Variants in DCAF4 observed in about 807,000 individuals in gnomAD.
DCAF4 encodes the protein DDB1- and CUL4-associated factor 4.
In DCAF4, 37 loss-of-function variants were observed where a neutral mutation model predicts 60.9. The observed-to-expected ratio is 0.61, with a 90% CI of 0.47 to 0.80. The LOEUF is 0.80. DCAF4 is among the 30% of genes least tolerant of loss of function. DCAF4 has a pLI of 0.00. For missense variants in DCAF4, 577 were observed against 650.0 expected (o/e 0.89, Z 1.22); for synonymous variants, 243 against 254.8 (o/e 0.95, Z 0.44).
chr14:72,951,332 C>T (rs553915965), intron 8 of DCAF4, among the ~76,000 whole-genome samples: 2 of 152,240 alleles, frequency 1.3e-5, no homozygotes, highest in Admixed American at 6.5e-5. Context: ...CTGAAGCTGG[C>T]CAGTCACGAT....
chr14:72,955,793 C>G, intron 12 of DCAF4, 97 bp downstream of exon 12: 1 of 1,197,858 alleles, frequency 8.3e-7, no homozygotes, highest in East Asian at 2.4e-5. Context: ...CACCAAGACC[C>G]CAGGCAGGGG....
At chr14:72,953,882 G>A (rs1452337368) in intron 9 of DCAF4, among the ~76,000 whole-genome samples, 9 of 144,046 alleles carry the variant, frequency 6.2e-5, no homozygotes, top group African/African-American at 1.8e-4. Flanking sequence ...ATCGAGGATC[G>A]GAGCCACCTT....
At chr14:72,960,535 T>C, downstream of DCAF4, 1 of 896,022 alleles carries the variant, frequency 1.1e-6, no homozygotes. Flanking sequence ...CCCAGGGCAG[T>C]TTGCACTGTG....
chr14:72,961,971 A>G, downstream of DCAF4: 1 of 1,128,344 alleles, frequency 8.9e-7, no homozygotes. Context: ...CTGTCTTTGG[A>G]GAGGTCACCC....
At chr14:72,939,744 T>C (rs745888525) in intron 2 of DCAF4, 58 bp from the exon 3 acceptor site, 19 of 1,491,930 alleles carry the variant, frequency 1.3e-5, no homozygotes, top group Non-Finnish European at 1.7e-5. Flanking sequence ...CCTGCCCCCG[T>C]CAGAATGGCT....
chr14:72,943,432 A>G (rs1292643303), intron 6 of DCAF4, among the ~76,000 whole-genome samples: 1 of 152,146 alleles, frequency 6.6e-6, no homozygotes, highest in Non-Finnish European at 1.5e-5. Flanking sequence ...CTCACAGTGG[A>G]CCTGGGGACA....
chr14:72,943,573 C>T (rs958631056), intron 6 of DCAF4, among the ~76,000 whole-genome samples: 2 of 152,266 alleles, frequency 1.3e-5, no homozygotes, highest in African/African-American at 2.4e-5. Flanking sequence ...AACACACCTC[C>T]ATTACATCAT....
intron 4 of DCAF4, chr14:72,940,599 T>TTG: frequency 6.4e-6 from 3 of 465,434 alleles, no homozygotes; most frequent in Non-Finnish European, 1.1e-5. Flanking sequence ...TTGTTTTTTT[T>TTG]TTTTTTTTTG....
intron 1 of DCAF4, among the ~76,000 whole-genome samples, chr14:72,928,187 C>CTTTTTGTTTTTTTTTTTT (rs1887907904): frequency 1.5e-5 from 1 of 67,256 alleles, no homozygotes; most frequent in Non-Finnish European, 2.5e-5. Context: ...AATCCCCCCA[C>CTTTTTGTTTTTTTTTTTT]TTTTTTTTTT....
chr14:72,950,913 TTCTC>T (rs1891322567), intron 8 of DCAF4, among the ~76,000 whole-genome samples: 1 of 152,086 alleles, frequency 6.6e-6, no homozygotes, highest in African/African-American at 2.4e-5. Flanking sequence ...AGAAGAGCAG[TTCTC>T]TCTGAGTAGA....
At chr14:72,928,896 A>C (rs1888092365) in intron 1 of DCAF4, among the ~76,000 whole-genome samples, 1 of 152,070 alleles carries the variant, frequency 6.6e-6, no homozygotes, top group African/African-American at 2.4e-5. Flanking sequence ...CCCCAAGGGG[A>C]GATGGAGCCC....
intron 5 of DCAF4, chr14:72,942,201 G>A (rs896879847): frequency 1.4e-4 from 28 of 207,300 alleles, no homozygotes; most frequent in Non-Finnish European, 2.5e-4. Flanking sequence ...AAGTGGATGT[G>A]TGTGTACTAA....
At position 72,954,353 on chromosome 14, in the gene DCAF4, A is replaced by G. The variant is rs11844136; in HGVS notation, c.908-33A>G. On this transcript the variant is annotated intron_variant, in intron 10 of 13. Transcript: ENST00000358377. ...TCCCTCTCCCCAGACTACATGTGAC[A>G]TAATCTTACCAGCCCATCTCTGTCT... 2,343 of 1,613,624 alleles carry G rather than the reference A, an allele frequency of 1.5e-3. 32 individuals are homozygous for G. In the African/African-American group the frequency reaches 0.027, roughly 19 times the overall value.
intron 8 of DCAF4, among the ~76,000 whole-genome samples, chr14:72,951,484 G>T (rs1408312500): frequency 6.6e-6 from 1 of 152,122 alleles, no homozygotes; most frequent in Admixed American, 6.5e-5. Flanking sequence ...GGTGGCACAT[G>T]CCTGTAATCC....
Position 72,959,583 on chromosome 14 carries a change from G to C in DCAF4, c.*778G>C. 1 of 985,480 alleles carries C rather than the reference G, an allele frequency of 1.0e-6. No homozygotes were observed. The allele number at this position is 985,480 out of a possible 1,614,324, so 61.0% of individuals were successfully genotyped here. A position where few individuals can be genotyped will look rare whatever the true frequency, so the allele number is the denominator to read the frequency against. On this transcript the variant is annotated 3_prime_UTR_variant, in exon 14 of 14. Coordinates refer to ENST00000358377, the MANE Select transcript of DCAF4 (RefSeq NM_015604.4). ...TTTTGTAATCTAGGAGCGACAGTTC[G>C]TGAGATGTTTATTCAGTGTTAAAGA...
At chr14:72,927,631 G>C (rs1309799046) in intron 1 of DCAF4, among the ~76,000 whole-genome samples, 1 of 152,022 alleles carries the variant, frequency 6.6e-6, no homozygotes, top group African/African-American at 2.4e-5. Flanking sequence ...GATTACAGGC[G>C]TGAGCCACCG....
chr14:72,961,468 C>G (rs752903248), downstream of DCAF4, among the ~76,000 whole-genome samples: 1 of 152,188 alleles, frequency 6.6e-6, no homozygotes, highest in Admixed American at 6.5e-5. Context: ...ACCATTTGGT[C>G]CAATTGATCT....
chr14:72,949,042 G>T (rs1891084875), intron 8 of DCAF4, among the ~76,000 whole-genome samples: 1 of 152,154 alleles, frequency 6.6e-6, no homozygotes. Flanking sequence ...AGTTTATTTG[G>T]TGGTGGTGTT....
intron 2 of DCAF4, among the ~76,000 whole-genome samples, chr14:72,939,172 G>A (rs994922237): frequency 2.0e-5 from 3 of 152,104 alleles, no homozygotes; most frequent in Admixed American, 1.3e-4. Flanking sequence ...TGGCCAACAC[G>A]GCGAAACTCC....
Sources: gnomAD v4.1 joint callset for allele counts (sites outside exome capture counted in the v4.1 genomes callset) on GRCh38, gnomAD v4.1.1 for gene constraint, MANE v1.5 for transcripts, NCBI Gene and HGNC (gene_info 2026-07-23, HGNC 2026-07-21) for gene names.